BMAL1: variants seen among roughly 807,000 people sequenced by gnomAD.
BMAL1 encodes the protein basic helix-loop-helix ARNT like 1.
chr11:13,385,729 T>C, the BMAL1 span: 2 of 1,613,816 alleles, frequency 1.2e-6, no homozygotes, highest in Non-Finnish European at 1.7e-6. Context: ...TCCAGTGGCC[T>C]ACTATCAGGC....
chr11:13,382,038 A>G, the BMAL1 span, among the ~76,000 whole-genome samples: 1 of 152,170 alleles, frequency 6.6e-6, no homozygotes, highest in Non-Finnish European at 1.5e-5. Context: ...ACAAACCATC[A>G]AAAGCAGGGC....
the BMAL1 span, chr11:13,379,941 T>C: frequency 6.6e-6 from 1 of 152,226 alleles, no homozygotes; most frequent in Non-Finnish European, 1.5e-5. Context: ...AGTCTTGTGT[T>C]ACGCTTTGTG....
the BMAL1 span, among the ~76,000 whole-genome samples, chr11:13,283,558 G>T: frequency 6.6e-6 from 1 of 152,152 alleles, no homozygotes; most frequent in Admixed American, 6.5e-5. Flanking sequence ...GAACTCCAGA[G>T]TCTGCCCTGT....
the BMAL1 span, among the ~76,000 whole-genome samples, chr11:13,290,151 T>G: frequency 6.6e-6 from 1 of 152,368 alleles, no homozygotes; most frequent in South Asian, 2.1e-4. Context: ...GAGCATTTTT[T>G]TCATGTGTCT....
chr11:13,347,067 T>C, the BMAL1 span, among the ~76,000 whole-genome samples: 2 of 152,216 alleles, frequency 1.3e-5, no homozygotes, highest in Admixed American at 6.5e-5. Context: ...TCACAACTGG[T>C]TTAGCTCCCT....
the BMAL1 span, among the ~76,000 whole-genome samples, chr11:13,312,651 C>G: frequency 3.9e-5 from 6 of 152,220 alleles, no homozygotes; most frequent in African/African-American, 1.4e-4. Context: ...TTTGTTTAAA[C>G]TCTTGGCATT....
the BMAL1 span, among the ~76,000 whole-genome samples, chr11:13,300,164 G>C: frequency 6.6e-6 from 1 of 152,076 alleles, no homozygotes; most frequent in Non-Finnish European, 1.5e-5. Context: ...CTTCCCTATG[G>C]CCATCTAAAA....
the BMAL1 span, among the ~76,000 whole-genome samples, chr11:13,279,997 A>G: frequency 0.011 from 1,716 of 152,326 alleles, 33 homozygotes; most frequent in African/African-American, 0.038. Context: ...GCAAGTTATT[A>G]AAGATTTCTA....
the BMAL1 span, among the ~76,000 whole-genome samples, chr11:13,329,706 A>G: frequency 8.6e-3 from 1,314 of 152,218 alleles, 12 homozygotes; most frequent in Non-Finnish European, 0.015. Context: ...GGCAGTTCCA[A>G]CTCACACACT....
the BMAL1 span, among the ~76,000 whole-genome samples, chr11:13,330,884 C>G: frequency 6.6e-6 from 1 of 152,234 alleles, no homozygotes; most frequent in Non-Finnish European, 1.5e-5. Context: ...CTCACGTAGT[C>G]ATGAAGAGAC....
At chr11:13,338,909 G>C in the BMAL1 span, among the ~76,000 whole-genome samples, 1 of 152,250 alleles carries the variant, frequency 6.6e-6, no homozygotes, top group Admixed American at 6.5e-5. Flanking sequence ...GGTGGCAGGT[G>C]ACTGCTCTGT....
At chr11:13,355,799 T>C in the BMAL1 span, among the ~76,000 whole-genome samples, 2 of 152,134 alleles carry the variant, frequency 1.3e-5, no homozygotes, top group East Asian at 3.9e-4. Flanking sequence ...CCCCAGGGCG[T>C]CTAATTGGGA....
At chr11:13,280,230 A>C in the BMAL1 span, among the ~76,000 whole-genome samples, 1 of 152,402 alleles carries the variant, frequency 6.6e-6, no homozygotes, top group Admixed American at 6.5e-5. Flanking sequence ...CAAATGATTT[A>C]TAAAATGATG....
the BMAL1 span, chr11:13,358,370 T>G: frequency 6.3e-6 from 9 of 1,429,858 alleles, no homozygotes; most frequent in African/African-American, 1.4e-5. Flanking sequence ...TCATTTATTT[T>G]TGTCATCTTT....
At chr11:13,284,597 T>C in the BMAL1 span, among the ~76,000 whole-genome samples, 3 of 150,586 alleles carry the variant, frequency 2.0e-5, no homozygotes, top group Non-Finnish European at 4.4e-5. Flanking sequence ...TACTGTGAGA[T>C]GCTCTGGAAA....
chr11:13,366,715 T>C, the BMAL1 span: 3 of 1,614,180 alleles, frequency 1.9e-6, no homozygotes, highest in East Asian at 4.5e-5. Flanking sequence ...CTAAAGATAT[T>C]GCCAAAGTCA....
chr11:13,374,325 A>T, the BMAL1 span: 6 of 802,290 alleles, frequency 7.5e-6, no homozygotes, highest in South Asian at 9.8e-5. Flanking sequence ...AGGACTCTTC[A>T]GGTCAGAACA....
the BMAL1 span, among the ~76,000 whole-genome samples, chr11:13,347,719 G>C: frequency 6.6e-6 from 1 of 151,840 alleles, no homozygotes; most frequent in Non-Finnish European, 1.5e-5. Flanking sequence ...TGGTAGTGGT[G>C]CATACCTGTA....
the BMAL1 span, among the ~76,000 whole-genome samples, chr11:13,296,192 G>T: frequency 2.6e-5 from 4 of 152,160 alleles, no homozygotes; most frequent in Non-Finnish European, 2.9e-5. Flanking sequence ...GAACCCTCAG[G>T]ACCCTCACTC....
Sources: allele counts gnomAD v4.1 joint callset (sites outside exome capture counted in the v4.1 genomes callset), GRCh38; gene constraint gnomAD v4.1.1; transcripts MANE v1.5; gene names NCBI Gene and HGNC (gene_info 2026-07-23, HGNC 2026-07-21).